The following CTNNA2 variants were observed in gnomAD, a reference collection of about 807,000 sequenced individuals.
CTNNA2 encodes the protein catenin alpha-2.
A neutral mutation model predicts 101.0 loss-of-function variants in CTNNA2; 42 were observed. The observed-to-expected ratio is 0.42, with a 90% confidence interval of 0.32 to 0.54. The LOEUF is 0.54. CTNNA2 is among the 20% of genes least tolerant of loss of function. The probability of loss-of-function intolerance (pLI) is 0.14; values close to 1 mark genes in which losing one functional copy is unlikely to be tolerated. For synonymous variants in CTNNA2, 450 were observed against 456.4 expected, an observed-to-expected ratio of 0.99 and a Z score of 0.18; for missense variants, 871 against 1,223.1, an observed-to-expected ratio of 0.71 and a Z score of 4.29.
intron 7 of CTNNA2, among the ~76,000 whole-genome samples, chr2:80,271,810 T>C (rs1164397355): frequency 2.0e-5 from 3 of 152,212 alleles, no homozygotes; most frequent in African/African-American, 7.2e-5. Flanking sequence ...CACAGGCATA[T>C]ATGGTAAACA....
chr2:80,497,646 G>A (rs977728164), intron 9 of CTNNA2, among the ~76,000 whole-genome samples: 14 of 152,122 alleles, frequency 9.2e-5, no homozygotes, highest in African/African-American at 2.7e-4. Flanking sequence ...TGAATATGAT[G>A]GGATAGTCAC....
At chr2:79,239,256 C>T (rs933075130) in intron 2 of CTNNA2, among the ~76,000 whole-genome samples, 10 of 152,090 alleles carry the variant, frequency 6.6e-5, no homozygotes, top group African/African-American at 2.4e-4. Flanking sequence ...GGTACTGGTA[C>T]AGAAACCGAC....
rs145750433 is a variant in CTNNA2, at chr2:80,321,928, T to TTTTATTTATTTA, written c.1057-71267_1057-71256dup. On this transcript the variant is annotated intron_variant, in intron 7 of 18. Coordinates refer to ENST00000402739, the MANE Select transcript of CTNNA2 (RefSeq NM_001282597.3). ...ATAGCCCTTCTGAAGATTCTCTGTA[T>TTTTATTTATTTA]TTTATTTATTTATTTATTTATTTAT... Among the ~76,000 whole-genome samples, 52 of 151,494 alleles carry TTTTATTTATTTA rather than the reference T, an allele frequency of 3.4e-4. 1 individual carries two copies. The highest frequency in any genetic ancestry group is 1.1e-3 in the African/African-American group (46 of 41,286).
At chr2:80,337,843 A>G (rs767662497) in intron 7 of CTNNA2, among the ~76,000 whole-genome samples, 5 of 152,160 alleles carry the variant, frequency 3.3e-5, no homozygotes, top group Non-Finnish European at 7.4e-5. Flanking sequence ...GCAGCCCCTT[A>G]TAGTAAGCGA....
chr2:79,311,036 A>AT (rs1257566094), intron 2 of CTNNA2, among the ~76,000 whole-genome samples: 1 of 152,198 alleles, frequency 6.6e-6, no homozygotes, highest in Non-Finnish European at 1.5e-5. Flanking sequence ...TATAACTTGC[A>AT]TATGTTGATT....
intron 9 of CTNNA2, among the ~76,000 whole-genome samples, chr2:80,542,349 G>A (rs1691647027): frequency 6.6e-6 from 1 of 151,918 alleles, no homozygotes; most frequent in African/African-American, 2.4e-5. Context: ...TTTTATGATT[G>A]CATGTATGTA....
intron 9 of CTNNA2, among the ~76,000 whole-genome samples, chr2:80,450,714 CA>C (rs1683427803): frequency 6.6e-6 from 1 of 152,118 alleles, no homozygotes; most frequent in African/African-American, 2.4e-5. Flanking sequence ...CCAAGCTAGA[CA>C]GTCTTAAAAG....
intron 2 of CTNNA2, among the ~76,000 whole-genome samples, chr2:79,692,079 A>T (rs1003078240): frequency 3.3e-5 from 5 of 152,190 alleles, no homozygotes; most frequent in African/African-American, 1.2e-4. Context: ...CACCAGAGTG[A>T]ACAGGCAACC....
At chr2:79,896,724 A>G (rs1684737395) in intron 6 of CTNNA2, among the ~76,000 whole-genome samples, 5 of 152,238 alleles carry the variant, frequency 3.3e-5, no homozygotes, top group Admixed American at 2.0e-4. Context: ...GGAAATTTGA[A>G]TAAGTGAAAA....
At chr2:79,449,539 A>G (rs924865919) in intron 4 of CTNNA2, among the ~76,000 whole-genome samples, 1 of 152,068 alleles carries the variant, frequency 6.6e-6, no homozygotes, top group Non-Finnish European at 1.5e-5. Flanking sequence ...GCACATAGAA[A>G]GGTAACTCGT....
intron 1 of CTNNA2, among the ~76,000 whole-genome samples, chr2:79,624,740 A>G (rs1366586024): frequency 6.6e-6 from 1 of 152,208 alleles, no homozygotes; most frequent in Non-Finnish European, 1.5e-5. Flanking sequence ...TTCTGTAATC[A>G]TAAAGCTTAC....
At chr2:80,310,905 G>A (rs1324970057) in intron 7 of CTNNA2, among the ~76,000 whole-genome samples, 4 of 150,818 alleles carry the variant, frequency 2.7e-5, no homozygotes, top group Non-Finnish European at 4.4e-5. Flanking sequence ...CCCGGGAGGC[G>A]GATGTTGCAG....
intron 1 of CTNNA2, among the ~76,000 whole-genome samples, chr2:79,581,533 A>C (rs898032431): frequency 1.3e-5 from 2 of 152,156 alleles, no homozygotes; most frequent in African/African-American, 2.4e-5. Context: ...TCAAAAGAAA[A>C]AAAAAAGGTA....
At chr2:80,284,561 G>GT (rs1173328601) in intron 7 of CTNNA2, among the ~76,000 whole-genome samples, 1 of 152,010 alleles carries the variant, frequency 6.6e-6, no homozygotes, top group East Asian at 1.9e-4. Flanking sequence ...TCATTACTGG[G>GT]TTTTTCCTCT....
intron 7 of CTNNA2, among the ~76,000 whole-genome samples, chr2:80,352,838 A>G (rs1673432733): frequency 6.6e-6 from 1 of 152,104 alleles, no homozygotes. Context: ...GGCAATGAAG[A>G]TATTTTTAAC....
chr2:79,967,240 C>T (rs947207018), intron 7 of CTNNA2, among the ~76,000 whole-genome samples: 3 of 152,084 alleles, frequency 2.0e-5, no homozygotes, highest in Non-Finnish European at 4.4e-5. Context: ...AAGACTGCTT[C>T]CTCTCCAACT....
At chr2:80,189,507 G>A (rs866253710) in intron 7 of CTNNA2, among the ~76,000 whole-genome samples, 29 of 152,180 alleles carry the variant, frequency 1.9e-4, no homozygotes, top group African/African-American at 6.3e-4. Flanking sequence ...GGCAGCCATC[G>A]TCAAAGTTTG....
intron 2 of CTNNA2, among the ~76,000 whole-genome samples, chr2:79,301,310 G>T (rs1369918194): frequency 6.6e-6 from 1 of 152,058 alleles, no homozygotes; most frequent in Non-Finnish European, 1.5e-5. Context: ...CATAGAATCT[G>T]ATATATATAT....
chr2:79,301,559 C>T (rs946274090), intron 2 of CTNNA2, among the ~76,000 whole-genome samples: 1 of 152,186 alleles, frequency 6.6e-6, no homozygotes, highest in Non-Finnish European at 1.5e-5. Context: ...ACGTTCGCTG[C>T]TAATGTCTCT....
Sources: allele counts gnomAD v4.1 joint callset (sites outside exome capture counted in the v4.1 genomes callset), GRCh38; gene constraint gnomAD v4.1.1; transcripts MANE v1.5; gene names NCBI Gene and HGNC (gene_info 2026-07-23, HGNC 2026-07-21).